Variants in CDKAL1 observed in about 807,000 individuals in gnomAD.
CDKAL1 encodes CDKAL1 threonylcarbamoyladenosine tRNA methylthiotransferase.
CDKAL1 carries 32 observed loss-of-function variants against 68.2 expected under a neutral mutation model. The observed-to-expected ratio is 0.47, with a 90% CI of 0.35 to 0.63. CDKAL1 has a LOEUF of 0.63. CDKAL1 is among the 30% of genes least tolerant of loss of function. The pLI is 0.00. For synonymous variants in CDKAL1, 234 were observed against 244.3 expected (o/e 0.96, Z 0.39); for missense variants, 606 against 696.7 (o/e 0.87, Z 1.47).
intron 9 of CDKAL1, among the ~76,000 whole-genome samples, chr6:20,898,050 G>T (rs1025842040): frequency 6.6e-6 from 1 of 152,122 alleles, no homozygotes; most frequent in Non-Finnish European, 1.5e-5. Context: ...TTAATCAACA[G>T]ATCTTTACTC....
chr6:20,730,443 AGAAAAGAAAGAAAG>A (rs1274583557), intron 5 of CDKAL1, among the ~76,000 whole-genome samples: 2 of 151,450 alleles, frequency 1.3e-5, no homozygotes, highest in Non-Finnish European at 2.9e-5. Context: ...AGAAAGAGAA[AGAAAAGAAAGAAAG>A]GAAAGAAAAG....
intron 9 of CDKAL1, among the ~76,000 whole-genome samples, chr6:20,917,326 A>G (rs1180344337): frequency 6.6e-6 from 1 of 152,108 alleles, no homozygotes; most frequent in Non-Finnish European, 1.5e-5. Flanking sequence ...TCCTAGTTTT[A>G]TACACAGTGA....
chr6:20,826,158 C>G (rs185876206), intron 8 of CDKAL1, among the ~76,000 whole-genome samples: 1 of 152,246 alleles, frequency 6.6e-6, no homozygotes, highest in Non-Finnish European at 1.5e-5. Context: ...TAAGCAGAAG[C>G]CACTTTTCCA....
At chr6:20,569,102 G>A (rs1764596347) in intron 4 of CDKAL1, among the ~76,000 whole-genome samples, 1 of 152,184 alleles carries the variant, frequency 6.6e-6, no homozygotes, top group African/African-American at 2.4e-5. Flanking sequence ...GAGCATAGAG[G>A]TGGTTTCTAA....
At chr6:20,957,401 G>A (rs1764831096) in intron 10 of CDKAL1, among the ~76,000 whole-genome samples, 1 of 152,210 alleles carries the variant, frequency 6.6e-6, no homozygotes, top group Admixed American at 6.5e-5. Context: ...CTGAAGTAGT[G>A]CCAGACTTGG....
chr6:20,593,289 C>A (rs1765673505), intron 4 of CDKAL1, among the ~76,000 whole-genome samples: 2 of 152,082 alleles, frequency 1.3e-5, no homozygotes, highest in Non-Finnish European at 2.9e-5. Flanking sequence ...GCTGTGAATC[C>A]ATGTGGTCCT....
chr6:20,797,317 C>G (rs760756398), intron 8 of CDKAL1, among the ~76,000 whole-genome samples: 50 of 152,082 alleles, frequency 3.3e-4, no homozygotes, highest in Non-Finnish European at 8.8e-5. Flanking sequence ...CCTATTCGAC[C>G]AAGTAAAATG....
intron 11 of CDKAL1, among the ~76,000 whole-genome samples, chr6:21,061,728 A>G (rs1180336103): frequency 2.6e-5 from 4 of 152,182 alleles, no homozygotes; most frequent in Admixed American, 2.0e-4. Context: ...TGGTTCACCT[A>G]AAGAGTCAAA....
intron 12 of CDKAL1, among the ~76,000 whole-genome samples, chr6:21,104,971 T>G (rs1773776722): frequency 6.6e-6 from 1 of 152,220 alleles, no homozygotes; most frequent in South Asian, 2.1e-4. Context: ...TTGGGGCATC[T>G]CCTAAGTTTA....
At chr6:20,776,293 C>G (rs2150368625) in intron 7 of CDKAL1, among the ~76,000 whole-genome samples, 1 of 152,322 alleles carries the variant, frequency 6.6e-6, no homozygotes, top group East Asian at 1.9e-4. Flanking sequence ...TTGCTCACCT[C>G]TTCATTAACT....
intron 13 of CDKAL1, among the ~76,000 whole-genome samples, chr6:21,179,326 C>T (rs1454201915): frequency 2.0e-5 from 3 of 152,166 alleles, no homozygotes; most frequent in African/African-American, 2.4e-5. Flanking sequence ...TTTACTTGTT[C>T]GCAGATGTTT....
At position 20,591,856 on chromosome 6, in the gene CDKAL1, TC is replaced by T. The variant is rs530016849; in HGVS notation, c.286+43152del. Among the ~76,000 whole-genome samples, 606 of 152,334 alleles carry T rather than the reference TC, an allele frequency of 4.0e-3. 4 individuals carry two copies. The highest frequency in any genetic ancestry group is 0.013 in the African/African-American group (547 of 41,564). ...TTAGGTTTGTCTTGGCTATACGGGCTCTTTTTTGGTTCCAGATGAAATTTAA... is the reference window on the plus strand; with the variant it reads ...TTAGGTTTGTCTTGGCTATACGGGCTTTTTTTGGTTCCAGATGAAATTTAA... On this transcript the variant is annotated intron_variant, in intron 4 of 15. Coordinates refer to ENST00000274695, the MANE Select transcript of CDKAL1 (RefSeq NM_017774.3).
chr6:20,779,566 T>C (rs1037411080), intron 7 of CDKAL1, among the ~76,000 whole-genome samples: 1 of 152,250 alleles, frequency 6.6e-6, no homozygotes, highest in Non-Finnish European at 1.5e-5. Flanking sequence ...TGTTCTAAAA[T>C]TGAGTTATTG....
At chr6:21,066,614 T>C (rs991568866) in intron 12 of CDKAL1, among the ~76,000 whole-genome samples, 1 of 152,116 alleles carries the variant, frequency 6.6e-6, no homozygotes, top group South Asian at 2.1e-4. Context: ...CCTTTTGTTT[T>C]GTTCTGTTTT....
chr6:21,117,474 C>A (rs1266165918), intron 13 of CDKAL1, among the ~76,000 whole-genome samples: 1 of 103,442 alleles, frequency 9.7e-6, no homozygotes, highest in South Asian at 3.5e-4. Context: ...CCTATCTCTA[C>A]CAAAAAAAAA....
chr6:20,668,916 G>A (rs1341406299), intron 5 of CDKAL1, among the ~76,000 whole-genome samples: 1 of 152,108 alleles, frequency 6.6e-6, no homozygotes, highest in Admixed American at 6.6e-5. Flanking sequence ...ATTTCTTCAT[G>A]GTTAGATTCA....
intron 10 of CDKAL1, among the ~76,000 whole-genome samples, chr6:20,975,594 G>A (rs903611560): frequency 2.0e-5 from 3 of 151,762 alleles, no homozygotes; most frequent in African/African-American, 7.3e-5. Context: ...TGATATTTAA[G>A]CAACACGTAT....
intron 12 of CDKAL1, among the ~76,000 whole-genome samples, chr6:21,106,604 AAAT>A (rs780092925): frequency 6.6e-5 from 10 of 152,214 alleles, no homozygotes; most frequent in Non-Finnish European, 7.3e-5. Context: ...GTACAATTTA[AAAT>A]AATACACATA....
intron 8 of CDKAL1, among the ~76,000 whole-genome samples, chr6:20,801,339 C>T (rs745916709): frequency 9.9e-5 from 15 of 152,122 alleles, no homozygotes; most frequent in Non-Finnish European, 1.9e-4. Context: ...ACATTTTTTC[C>T]CAAAATTTTA....
Sources: allele counts gnomAD v4.1 joint callset (sites outside exome capture counted in the v4.1 genomes callset), GRCh38; gene constraint gnomAD v4.1.1; transcripts MANE v1.5; gene names NCBI Gene and HGNC (gene_info 2026-07-23, HGNC 2026-07-21).